Variants in CSMD1 observed in about 807,000 individuals in gnomAD.
The protein encoded by CSMD1 is CUB and sushi domain-containing protein 1.
In CSMD1, 213 loss-of-function variants were observed where a neutral mutation model predicts 417.5. The observed-to-expected ratio is 0.51, with a 90% CI of 0.46 to 0.57. The LOEUF (loss-of-function observed/expected upper bound fraction) is 0.57. Ranked by LOEUF, CSMD1 falls within the 20% of genes least tolerant of loss-of-function variation. CSMD1 has a pLI of 0.00. For synonymous variants in CSMD1, 2,862 were observed against 1,736.8 expected, an observed-to-expected ratio of 1.65 and a Z score of -16.11; for missense variants, 6,923 against 4,529.7, an observed-to-expected ratio of 1.53 and a Z score of -15.17.
intron 26 of CSMD1, among the ~76,000 whole-genome samples, chr8:3,244,937 G>C (rs1041534945): frequency 2.0e-5 from 3 of 152,216 alleles, no homozygotes; most frequent in Non-Finnish European, 4.4e-5. Flanking sequence ...ACTCCCTTCG[G>C]GAACATGTGA....
At chr8:3,770,334 G>C (rs1178102648) in intron 5 of CSMD1, among the ~76,000 whole-genome samples, 2 of 152,138 alleles carry the variant, frequency 1.3e-5, no homozygotes, top group Non-Finnish European at 2.9e-5. Flanking sequence ...TTCAAGACCA[G>C]CCTGTCCTAT....
At chr8:4,803,812 C>T (rs75486800) in intron 1 of CSMD1, among the ~76,000 whole-genome samples, 10,135 of 152,096 alleles carry the variant, frequency 0.067, 552 homozygotes, top group East Asian at 0.23. Flanking sequence ...TACATTTGAG[C>T]TCATAGAATA....
At chr8:2,955,066 T>G (rs2128921839) in intron 64 of CSMD1, among the ~76,000 whole-genome samples, 1 of 152,332 alleles carries the variant, frequency 6.6e-6, no homozygotes, top group South Asian at 2.1e-4. Context: ...AATTTGTAAT[T>G]AATGGATCGT....
At chr8:4,763,652 A>G (rs966802275) in intron 1 of CSMD1, among the ~76,000 whole-genome samples, 3 of 152,210 alleles carry the variant, frequency 2.0e-5, no homozygotes, top group African/African-American at 7.2e-5. Context: ...TTAAATGGTC[A>G]CTGAGATATA....
chr8:3,451,548 C>T (rs937625515), intron 12 of CSMD1, among the ~76,000 whole-genome samples: 1 of 152,150 alleles, frequency 6.6e-6, no homozygotes, highest in Admixed American at 6.5e-5. Flanking sequence ...AGCCAGTTTT[C>T]CCAGCACCAT....
intron 10 of CSMD1, among the ~76,000 whole-genome samples, chr8:3,519,659 A>G (rs922190760): frequency 1.3e-5 from 2 of 152,218 alleles, no homozygotes; most frequent in East Asian, 1.9e-4. Flanking sequence ...AAGCTTATCA[A>G]GCAGCATGCA....
At chr8:4,156,657 C>G (rs1044496899) in intron 3 of CSMD1, among the ~76,000 whole-genome samples, 17 of 152,102 alleles carry the variant, frequency 1.1e-4, no homozygotes, top group African/African-American at 3.9e-4. Flanking sequence ...AGGTACCCAT[C>G]TGCTTGTGAT....
At chr8:4,773,675 C>T (rs1017567896) in intron 1 of CSMD1, among the ~76,000 whole-genome samples, 2 of 152,134 alleles carry the variant, frequency 1.3e-5, no homozygotes, top group Non-Finnish European at 2.9e-5. Context: ...CAGCCTTTAT[C>T]GTCAGGCTTT....
At chr8:3,598,800 G>C (rs1801215709) in intron 8 of CSMD1, among the ~76,000 whole-genome samples, 2 of 152,044 alleles carry the variant, frequency 1.3e-5, no homozygotes, top group African/African-American at 4.8e-5. Context: ...AGCTGAAATT[G>C]GGCCAGGTGC....
intron 2 of CSMD1, among the ~76,000 whole-genome samples, chr8:4,553,036 A>G (rs911669774): frequency 2.6e-5 from 4 of 152,210 alleles, no homozygotes; most frequent in Non-Finnish European, 5.9e-5. Context: ...CACGTTAATA[A>G]TAAGCTCACA....
At position 4,550,070 on chromosome 8, in the gene CSMD1, C is replaced by A. The variant is rs115282464; in HGVS notation, c.302+87272G>T. Among the ~76,000 whole-genome samples the A allele has an allele frequency of 1.2e-3, 181 of 151,940 alleles. 8 individuals carry two copies. The East Asian group carries it at 0.03, about 25-fold the overall frequency. On this transcript the variant is annotated intron_variant, in intron 2 of 69. Transcript: ENST00000635120. Reference sequence around the variant, plus strand: ...TTTTGTCATCCTCAGAATTGGAACACCCCCATGTTTGGATAGGCGTGGGTT... The same window carrying A: ...TTTTGTCATCCTCAGAATTGGAACAACCCCATGTTTGGATAGGCGTGGGTT...
chr8:4,540,173 G>C (rs1034048807), intron 2 of CSMD1, among the ~76,000 whole-genome samples: 1 of 152,288 alleles, frequency 6.6e-6, no homozygotes, highest in Admixed American at 6.5e-5. Flanking sequence ...ACTCAAGTTA[G>C]GAATGAAGTT....
chr8:4,273,518 G>C (rs146767579), intron 3 of CSMD1, among the ~76,000 whole-genome samples: 210 of 152,226 alleles, frequency 1.4e-3, no homozygotes, highest in African/African-American at 4.8e-3. Context: ...AATAAGAATA[G>C]AGGACATTCT....
chr8:3,608,034 T>C (rs1801704322), intron 8 of CSMD1, among the ~76,000 whole-genome samples: 1 of 151,842 alleles, frequency 6.6e-6, no homozygotes, highest in Non-Finnish European at 1.5e-5. Context: ...TAGCCAGCCG[T>C]GGTGGTATGT....
At chr8:3,550,294 C>T (rs1217975075) in intron 10 of CSMD1, among the ~76,000 whole-genome samples, 1 of 152,130 alleles carries the variant, frequency 6.6e-6, no homozygotes, top group African/African-American at 2.4e-5. Flanking sequence ...CCTGTTTTCT[C>T]CAATAATTCC....
intron 3 of CSMD1, among the ~76,000 whole-genome samples, chr8:4,102,856 C>G (rs188183174): frequency 2.0e-5 from 3 of 152,160 alleles, no homozygotes; most frequent in African/African-American, 7.2e-5. Context: ...GGAATCTATC[C>G]TGAGAACCAG....
In CSMD1 at chr8:4,653,294, G is replaced by C. The variant is rs998203530; in HGVS notation, c.86-15736C>G. 3.3e-5 allele frequency among the ~76,000 whole-genome samples: 5 copies of C among 152,204 alleles called. No homozygotes were observed. The East Asian group carries it at 7.7e-4, about 24-fold the overall frequency. The stretch of plus-strand genomic sequence containing the variant: ...ACAGACTCCCAAGTAACTGAATTAA[G>C]GTGACGATCACTAGGCGCAACCACA... On this transcript the variant is annotated intron_variant, in intron 1 of 69. Coordinates refer to ENST00000635120, the MANE Select transcript of CSMD1 (RefSeq NM_033225.6).
intron 2 of CSMD1, among the ~76,000 whole-genome samples, chr8:4,568,410 G>C (rs932909863): frequency 1.3e-5 from 2 of 152,018 alleles, no homozygotes; most frequent in Admixed American, 1.3e-4. Flanking sequence ...ACTGAGAATG[G>C]TTTCCAGCTT....
At chr8:4,223,175 G>C (rs1201123117) in intron 3 of CSMD1, among the ~76,000 whole-genome samples, 2 of 151,936 alleles carry the variant, frequency 1.3e-5, no homozygotes, top group East Asian at 1.9e-4. Flanking sequence ...GAGCCTCCGG[G>C]AGTTAATAAA....
Sources: allele counts gnomAD v4.1 joint callset (sites outside exome capture counted in the v4.1 genomes callset), GRCh38; gene constraint gnomAD v4.1.1; transcripts MANE v1.5; gene names NCBI Gene and HGNC (gene_info 2026-07-23, HGNC 2026-07-21).